Variants in NBAS observed in about 807,000 individuals in gnomAD.
The protein encoded by NBAS is NBAS subunit of NRZ tethering complex.
A neutral mutation model predicts 302.5 loss-of-function variants in NBAS; 219 were observed. That is an observed-to-expected ratio of 0.72 (90% CI 0.65 to 0.81). The LOEUF is 0.81. Ranked by LOEUF, NBAS falls within the 30% of genes least tolerant of loss-of-function variation. The probability of loss-of-function intolerance (pLI) is 0.00; values close to 1 mark genes in which losing one functional copy is unlikely to be tolerated. For missense variants in NBAS, 2,932 were observed against 2,841.6 expected, an observed-to-expected ratio of 1.03 and a Z score of -0.72; for synonymous variants, 1,118 against 1,021.6, an observed-to-expected ratio of 1.09 and a Z score of -1.80.
At chr2:14,911,496 G>A in the NBAS span, among the ~76,000 whole-genome samples, 4 of 152,286 alleles carry the variant, frequency 2.6e-5, no homozygotes, top group Admixed American at 6.5e-5. Context: ...CTATTACCCA[G>A]TGGCAGTACA....
At chr2:15,221,941 C>T (rs1220713397) in intron 47 of NBAS, among the ~76,000 whole-genome samples, 1 of 152,224 alleles carries the variant, frequency 6.6e-6, no homozygotes, top group Non-Finnish European at 1.5e-5. Flanking sequence ...TCACTGCCCA[C>T]ATTTGCCACT....
chr2:15,185,394 G>C (rs1665028241), intron 50 of NBAS, among the ~76,000 whole-genome samples: 1 of 152,182 alleles, frequency 6.6e-6, no homozygotes. Flanking sequence ...GCAGAACACT[G>C]CTGGTCTTTG....
chr2:15,133,737 ATGTG>A, the NBAS span, among the ~76,000 whole-genome samples: 1 of 151,886 alleles, frequency 6.6e-6, no homozygotes, highest in Non-Finnish European at 1.5e-5. Context: ...GGTAGATATA[ATGTG>A]TGTGTGTGTG....
chr2:15,549,408 G>A (rs993569558), intron 6 of NBAS, among the ~76,000 whole-genome samples: 5 of 152,308 alleles, frequency 3.3e-5, no homozygotes, highest in African/African-American at 9.6e-5. Flanking sequence ...GGCTGTGATG[G>A]TGGAAGTACA....
the NBAS span, among the ~76,000 whole-genome samples, chr2:14,798,106 T>C: frequency 6.6e-6 from 1 of 152,140 alleles, no homozygotes; most frequent in African/African-American, 2.4e-5. Context: ...TGCCTTATTC[T>C]AATACCTAAA....
In NBAS at chr2:15,467,332, A is replaced by G; in HGVS notation, c.2094T>C (p.Tyr698=). 3 of 1,608,710 alleles carry G rather than the reference A, an allele frequency of 1.9e-6. No individual in the cohort carries two copies. The highest frequency in any genetic ancestry group is 2.6e-6 in the Non-Finnish European group (3 of 1,175,290). The part of the protein sequence containing the change: ...LLTYLDRLAT[Y]EEILGVPHAS... The stretch of plus-strand genomic sequence containing the variant: ...TTTGACAAAAATTATTCATTACCTC[A>G]TATGTTGCAAGTCGATCTAAGTAGG... The change falls in exon 19 of 52, where the codon TAT becomes TAC. Residue 698 remains tyrosine, a synonymous_variant. Coordinates refer to ENST00000281513, the MANE Select transcript of NBAS (RefSeq NM_015909.4).
intron 44 of NBAS, among the ~76,000 whole-genome samples, chr2:15,253,534 A>G (rs1334440907): frequency 6.6e-6 from 1 of 152,220 alleles, no homozygotes; most frequent in African/African-American, 2.4e-5. Flanking sequence ...CTAGCACACA[A>G]AGCCTTCCAA....
chr2:14,861,348 C>T, the NBAS span, among the ~76,000 whole-genome samples: 1,365 of 152,236 alleles, frequency 9.0e-3, 19 homozygotes, highest in South Asian at 0.038. Flanking sequence ...AGTGCATTCT[C>T]GAAGGAGCCA....
the NBAS span, among the ~76,000 whole-genome samples, chr2:15,024,697 T>C: frequency 6.6e-5 from 10 of 152,236 alleles, no homozygotes. Context: ...TTGTGTTTGA[T>C]TTGCATTTCT....
chr2:15,091,730 G>A, the NBAS span, among the ~76,000 whole-genome samples: 12 of 151,914 alleles, frequency 7.9e-5, no homozygotes, highest in Middle Eastern at 3.2e-3. Flanking sequence ...ATGGGGCTTC[G>A]CCATATTGGC....
At chr2:15,049,889 T>C in the NBAS span, among the ~76,000 whole-genome samples, 96 of 152,296 alleles carry the variant, frequency 6.3e-4, no homozygotes, top group Non-Finnish European at 1.1e-3. Context: ...AGACAAAAGC[T>C]GGAACACAGC....
At chr2:15,314,013 G>A (rs1671394581) in intron 38 of NBAS, among the ~76,000 whole-genome samples, 1 of 152,106 alleles carries the variant, frequency 6.6e-6, no homozygotes, top group Admixed American at 6.6e-5. Context: ...TATCCAGACA[G>A]CCCTCCTACA....
chr2:14,790,075 A>G, the NBAS span, among the ~76,000 whole-genome samples: 1 of 152,196 alleles, frequency 6.6e-6, no homozygotes, highest in Non-Finnish European at 1.5e-5. Context: ...TGAAGAAACC[A>G]AATTACACAA....
chr2:15,097,129 G>A, the NBAS span, among the ~76,000 whole-genome samples: 1 of 152,182 alleles, frequency 6.6e-6, no homozygotes, highest in Admixed American at 6.5e-5. Flanking sequence ...GGGAGCTGAG[G>A]TATTTATGTA....
the NBAS span, among the ~76,000 whole-genome samples, chr2:15,144,485 T>A: frequency 2.6e-5 from 4 of 152,352 alleles, no homozygotes; most frequent in Admixed American, 1.3e-4. Flanking sequence ...AAAATGTGTA[T>A]TGAGCAACTT....
At chr2:14,804,233 G>A in the NBAS span, among the ~76,000 whole-genome samples, 2 of 152,146 alleles carry the variant, frequency 1.3e-5, no homozygotes, top group African/African-American at 4.8e-5. Flanking sequence ...TTCTCATCCT[G>A]TAAACAAATG....
At chr2:15,255,655 T>C (rs898618139) in intron 44 of NBAS, among the ~76,000 whole-genome samples, 1 of 152,248 alleles carries the variant, frequency 6.6e-6, no homozygotes, top group African/African-American at 2.4e-5. Context: ...TTTCCAACGT[T>C]ATCCTCTAGA....
chr2:15,382,021 C>G (rs1029240325), intron 29 of NBAS, among the ~76,000 whole-genome samples: 10 of 152,032 alleles, frequency 6.6e-5, no homozygotes, highest in African/African-American at 2.2e-4. Flanking sequence ...GCTTATTTAA[C>G]AAGAAAATTC....
chr2:15,280,142 A>C (rs1669760482), intron 42 of NBAS, among the ~76,000 whole-genome samples: 1 of 152,228 alleles, frequency 6.6e-6, no homozygotes, highest in South Asian at 2.1e-4. Flanking sequence ...TATTCATACT[A>C]ATCTCATGAT....
Sources: gnomAD v4.1 joint callset for allele counts (sites outside exome capture counted in the v4.1 genomes callset) on GRCh38, gnomAD v4.1.1 for gene constraint, MANE v1.5 for transcripts, NCBI Gene and HGNC (gene_info 2026-07-23, HGNC 2026-07-21) for gene names.